PDZRN4: variants seen among roughly 807,000 people sequenced by gnomAD.
PDZRN4 encodes the protein PDZ domain-containing RING finger protein 4.
In PDZRN4, 70 loss-of-function variants were observed where a neutral mutation model predicts 99.0. That is an observed-to-expected ratio of 0.71 (90% confidence interval 0.58 to 0.86). The LOEUF (loss-of-function observed/expected upper bound fraction) is 0.86, where lower values mean the gene tolerates loss of function less well. PDZRN4 is among the 40% of genes least tolerant of loss of function. PDZRN4 has a pLI of 0.00. For missense variants in PDZRN4, 1,474 were observed against 1,331.2 expected (o/e 1.11, Z -1.67); for synonymous variants, 551 against 501.6 (o/e 1.10, Z -1.32).
chr12:41,507,416 A>T (rs1938227176), intron 4 of PDZRN4, among the ~76,000 whole-genome samples: 1 of 152,148 alleles, frequency 6.6e-6, no homozygotes, highest in African/African-American at 2.4e-5. Context: ...TTTCGAGCAA[A>T]TATTCAAACA....
rs759382169 is a variant in PDZRN4, at chr12:41,573,787, T to A, written c.3008T>A (p.Ile1003Asn). Residue 1003 changes from isoleucine to asparagine, a missense_variant, in exon 10 of 10, where the codon ATT (isoleucine) becomes AAT (asparagine). Ile to Asn is a moderately radical substitution (Grantham distance 149, BLOSUM62 -3). Coordinates refer to ENST00000402685, the MANE Select transcript of PDZRN4 (RefSeq NM_001164595.2). ...KKMMKKRNKKILDNWMTIQEL... is the reference protein window; with the variant it reads ...KKMMKKRNKKNLDNWMTIQEL... ...ATGATGAAAAAGAGAAACAAGAAAA[T>A]TTTGGACAACTGGATGACAATCCAA... 4.0e-5 allele frequency: 64 copies of A among 1,613,418 alleles called. No homozygotes were observed. Among genetic ancestry groups the A allele is most frequent in the African/African-American group, 5.3e-5 (4 of 74,780 alleles).
At chr12:41,449,681 A>G (rs1012855551) in intron 3 of PDZRN4, among the ~76,000 whole-genome samples, 3 of 152,192 alleles carry the variant, frequency 2.0e-5, no homozygotes, top group African/African-American at 7.2e-5. Flanking sequence ...TGAAAATTAA[A>G]ATTAAAAGTA....
chr12:41,399,075 C>T (rs1001507524), intron 3 of PDZRN4, among the ~76,000 whole-genome samples: 2 of 151,934 alleles, frequency 1.3e-5, no homozygotes, highest in Non-Finnish European at 2.9e-5. Context: ...AGCTAAAAAA[C>T]AGAAAACTAG....
At chr12:41,466,851 A>G (rs141529041) in intron 3 of PDZRN4, among the ~76,000 whole-genome samples, 257 of 150,450 alleles carry the variant, frequency 1.7e-3, no homozygotes, top group Middle Eastern at 3.5e-3. Flanking sequence ...AAAGCAGATC[A>G]TAGAATAAGG....
intron 3 of PDZRN4, among the ~76,000 whole-genome samples, chr12:41,368,579 C>T (rs1309223857): frequency 2.0e-5 from 3 of 152,076 alleles, no homozygotes; most frequent in Non-Finnish European, 2.9e-5. Flanking sequence ...ATCAAGACAA[C>T]CCTGAGATTG....
chr12:41,258,739 G>A (rs1951218942), intron 3 of PDZRN4, among the ~76,000 whole-genome samples: 1 of 152,050 alleles, frequency 6.6e-6, no homozygotes, highest in African/African-American at 2.4e-5. Flanking sequence ...TGCTCTTATG[G>A]GGTTTATATT....
At chr12:41,262,118 G>C (rs1012099997) in intron 3 of PDZRN4, among the ~76,000 whole-genome samples, 4 of 152,160 alleles carry the variant, frequency 2.6e-5, no homozygotes, top group Non-Finnish European at 4.4e-5. Flanking sequence ...ATGCCTCCCA[G>C]ATGACTGGTC....
At chr12:41,457,324 C>G (rs755004474) in intron 3 of PDZRN4, among the ~76,000 whole-genome samples, 18 of 152,126 alleles carry the variant, frequency 1.2e-4, no homozygotes, top group Non-Finnish European at 2.4e-4. Flanking sequence ...AAAGTATTAG[C>G]TGCATTTTTC....
At chr12:41,409,478 T>G (rs1411016954) in intron 3 of PDZRN4, 2 of 152,230 alleles carry the variant, frequency 1.3e-5, no homozygotes, top group Non-Finnish European at 2.9e-5. Flanking sequence ...CATTCTTAGA[T>G]GCATTTATTC....
intron 3 of PDZRN4, among the ~76,000 whole-genome samples, chr12:41,477,275 C>T (rs1937612435): frequency 1.3e-5 from 2 of 152,200 alleles, no homozygotes; most frequent in Non-Finnish European, 2.9e-5. Flanking sequence ...TGCCTGCCTC[C>T]ATTTTTCAAT....
At chr12:41,470,608 G>C (rs560521989) in intron 3 of PDZRN4, among the ~76,000 whole-genome samples, 1 of 151,892 alleles carries the variant, frequency 6.6e-6, no homozygotes, top group Non-Finnish European at 1.5e-5. Context: ...CCATTAACTC[G>C]TCATTTAGCA....
intron 3 of PDZRN4, among the ~76,000 whole-genome samples, chr12:41,208,352 T>C (rs1010987508): frequency 1.3e-5 from 2 of 151,982 alleles, no homozygotes; most frequent in African/African-American, 4.8e-5. Context: ...ATATTTCAGG[T>C]GGTTTTCTAT....
At chr12:41,196,226 A>G (rs769254262) in intron 3 of PDZRN4, among the ~76,000 whole-genome samples, 55 of 152,112 alleles carry the variant, frequency 3.6e-4, no homozygotes, top group Non-Finnish European at 1.5e-4. Context: ...GATAAAAAGT[A>G]AGGAGGTCAA....
intron 3 of PDZRN4, among the ~76,000 whole-genome samples, chr12:41,374,681 G>A (rs1179638147): frequency 6.6e-6 from 1 of 152,172 alleles, no homozygotes; most frequent in Non-Finnish European, 1.5e-5. Flanking sequence ...GGCTGCCTCT[G>A]AGGTTTCCTT....
At chr12:41,233,291 G>C (rs527869136) in intron 3 of PDZRN4, among the ~76,000 whole-genome samples, 1 of 152,218 alleles carries the variant, frequency 6.6e-6, no homozygotes, top group Non-Finnish European at 1.5e-5. Flanking sequence ...GGAAACAACA[G>C]GTGCTGGAGA....
At chr12:41,555,091 CGTGGT>C (rs1565613938) in intron 6 of PDZRN4, among the ~76,000 whole-genome samples, 1 of 146,128 alleles carries the variant, frequency 6.8e-6, no homozygotes, top group Non-Finnish European at 1.5e-5. Context: ...ATTAGCCAGG[CGTGGT>C]GGCAGGCATC....
At chr12:41,226,660 G>T (rs1258576978) in intron 3 of PDZRN4, among the ~76,000 whole-genome samples, 3 of 152,046 alleles carry the variant, frequency 2.0e-5, no homozygotes, top group Non-Finnish European at 4.4e-5. Context: ...AAACAGTGAA[G>T]GTCATAAAAA....
chr12:41,447,098 T>C (rs1319907405), intron 3 of PDZRN4, among the ~76,000 whole-genome samples: 1 of 152,052 alleles, frequency 6.6e-6, no homozygotes, highest in East Asian at 1.9e-4. Flanking sequence ...CAAAACACCC[T>C]GAGGATGCAA....
chr12:41,331,771 G>A (rs1241432824), intron 3 of PDZRN4, among the ~76,000 whole-genome samples: 3 of 151,998 alleles, frequency 2.0e-5, no homozygotes, highest in South Asian at 2.1e-4. Context: ...TTTATAGGGC[G>A]GCAGGAGAGA....
Sources: gnomAD v4.1 joint callset for allele counts (sites outside exome capture counted in the v4.1 genomes callset) on GRCh38, gnomAD v4.1.1 for gene constraint, MANE v1.5 for transcripts, NCBI Gene and HGNC (gene_info 2026-07-23, HGNC 2026-07-21) for gene names.